Variants in LRRC4C observed in about 807,000 individuals in gnomAD.
The protein encoded by LRRC4C is leucine rich repeat containing 4C, also known as leucine-rich repeat-containing protein 4C.
Under a neutral mutation model 33.6 loss-of-function variants are expected in LRRC4C, and 5 were observed. That is an observed-to-expected ratio of 0.15 (90% CI 0.08 to 0.31). The LOEUF (loss-of-function observed/expected upper bound fraction) is 0.31, where lower values mean the gene tolerates loss of function less well. LRRC4C is among the 10% of genes least tolerant of loss of function. The pLI, the probability that LRRC4C is intolerant of heterozygous loss-of-function variation, is 1.00. For synonymous variants in LRRC4C, 329 were observed against 302.0 expected (o/e 1.09, Z -0.93); for missense variants, 560 against 796.7 (o/e 0.70, Z 3.58).
intron 1 of LRRC4C, among the ~76,000 whole-genome samples, chr11:40,955,206 A>T (rs1958903150): frequency 6.6e-6 from 1 of 151,896 alleles, no homozygotes; most frequent in African/African-American, 2.4e-5. Flanking sequence ...GTCTAAAAAC[A>T]GCCCAAGAGA....
intron 4 of LRRC4C, among the ~76,000 whole-genome samples, chr11:40,296,243 A>C (rs1944504905): frequency 1.3e-5 from 2 of 152,116 alleles, no homozygotes; most frequent in Non-Finnish European, 2.9e-5. Flanking sequence ...CACATCATTG[A>C]CTCATTCACA....
intron 1 of LRRC4C, among the ~76,000 whole-genome samples, chr11:41,290,462 A>C (rs1167870150): frequency 2.6e-5 from 4 of 152,176 alleles, no homozygotes; most frequent in Admixed American, 2.6e-4. Flanking sequence ...CATTCTAGAA[A>C]TATACAAAAT....
chr11:40,596,313 A>G (rs1959290445), intron 3 of LRRC4C, among the ~76,000 whole-genome samples: 1 of 152,104 alleles, frequency 6.6e-6, no homozygotes, highest in Non-Finnish European at 1.5e-5. Flanking sequence ...TCTCTTTTAT[A>G]TTATTATGGA....
rs189215288 is a variant in LRRC4C at position 41,393,013 on chromosome 11, A to C, written c.-496+66418T>G. 6.1e-3 allele frequency among the ~76,000 whole-genome samples: 927 copies of C among 151,962 alleles called. 8 individuals carry two copies. The highest frequency in any genetic ancestry group is 0.022 in the African/African-American group (897 of 41,500). On this transcript the variant is annotated intron_variant, in intron 1 of 6. Coordinates refer to ENST00000528697, the MANE Select transcript of LRRC4C (RefSeq NM_001258419.2). Reference sequence around the variant, plus strand: ...CCTGTTTTATTGTTATGCTTTCCTAATTGCTCCCACAGCAGTTCTTCTGGT... The same window carrying C: ...CCTGTTTTATTGTTATGCTTTCCTACTTGCTCCCACAGCAGTTCTTCTGGT...
At chr11:41,445,956 G>A (rs1007134962) in intron 1 of LRRC4C, among the ~76,000 whole-genome samples, 1 of 150,102 alleles carries the variant, frequency 6.7e-6, no homozygotes, top group East Asian at 2.0e-4. Context: ...TTATGTTGAA[G>A]CTGTTAATCA....
intron 2 of LRRC4C, among the ~76,000 whole-genome samples, chr11:40,653,153 T>C (rs977965599): frequency 1.3e-5 from 2 of 152,162 alleles, no homozygotes; most frequent in Non-Finnish European, 2.9e-5. Context: ...TGTACTAATA[T>C]AGTTAGTTGG....
chr11:40,181,889 G>A (rs1350406945), intron 5 of LRRC4C, among the ~76,000 whole-genome samples: 1 of 152,114 alleles, frequency 6.6e-6, no homozygotes, highest in African/African-American at 2.4e-5. Context: ...CTTCCCTTTG[G>A]GTGGCCTCCT....
chr11:40,712,746 T>C (rs543918742), intron 2 of LRRC4C, among the ~76,000 whole-genome samples: 57 of 152,250 alleles, frequency 3.7e-4, no homozygotes, highest in Non-Finnish European at 7.1e-4. Flanking sequence ...ACCAGAAACA[T>C]ACCAGACTAG....
chr11:40,399,813 T>G (rs1266121349), intron 3 of LRRC4C, among the ~76,000 whole-genome samples: 68 of 152,162 alleles, frequency 4.5e-4, no homozygotes. Context: ...CATTGCAACC[T>G]TCCATGTCAT....
At chr11:41,166,014 A>G (rs1944707893) in intron 1 of LRRC4C, among the ~76,000 whole-genome samples, 2 of 150,004 alleles carry the variant, frequency 1.3e-5, no homozygotes, top group South Asian at 2.1e-4. Flanking sequence ...CTCGGCAACA[A>G]GAGCGAAATT....
intron 3 of LRRC4C, among the ~76,000 whole-genome samples, chr11:40,615,265 T>TAC (rs1263574075): frequency 1.4e-3 from 76 of 53,406 alleles, no homozygotes; most frequent in Admixed American, 2.7e-3. Flanking sequence ...TATATATATA[T>TAC]ACACACACAC....
chr11:41,406,920 T>G (rs982483101), intron 1 of LRRC4C, among the ~76,000 whole-genome samples: 5 of 152,102 alleles, frequency 3.3e-5, no homozygotes, highest in African/African-American at 7.2e-5. Context: ...TAACTTCAAA[T>G]GTTAGTTTTT....
At chr11:40,700,197 T>C (rs940966954) in intron 2 of LRRC4C, among the ~76,000 whole-genome samples, 4 of 152,170 alleles carry the variant, frequency 2.6e-5, no homozygotes, top group Non-Finnish European at 4.4e-5. Flanking sequence ...AAGGAATCCC[T>C]CGAGCCATCT....
At chr11:40,414,453 T>C in intron 3 of LRRC4C, among the ~76,000 whole-genome samples, 1 of 152,082 alleles carries the variant, frequency 6.6e-6, no homozygotes, top group Non-Finnish European at 1.5e-5. Flanking sequence ...ACAGAGATAA[T>C]GATAAGCCAT....
chr11:41,177,743 A>G (rs1945268129), intron 1 of LRRC4C, among the ~76,000 whole-genome samples: 1 of 152,212 alleles, frequency 6.6e-6, no homozygotes, highest in African/African-American at 2.4e-5. Flanking sequence ...TTCCATTTAT[A>G]TAGTCATTTT....
chr11:40,389,325 C>T (rs1949243554), intron 3 of LRRC4C, among the ~76,000 whole-genome samples: 1 of 152,098 alleles, frequency 6.6e-6, no homozygotes, highest in African/African-American at 2.4e-5. Context: ...TAATTTCATA[C>T]CCAACCCCAT....
chr11:40,674,672 C>T (rs75829370), intron 2 of LRRC4C, among the ~76,000 whole-genome samples: 87 of 152,074 alleles, frequency 5.7e-4, no homozygotes, highest in African/African-American at 1.9e-3. Flanking sequence ...ATTTATAAAT[C>T]GTGATGTTCT....
chr11:40,120,757 C>T (rs374095668), intron 6 of LRRC4C, among the ~76,000 whole-genome samples: 14 of 152,176 alleles, frequency 9.2e-5, no homozygotes, highest in African/African-American at 2.4e-4. Flanking sequence ...CTTACTCTGC[C>T]GTTTGCTACC....
At chr11:40,140,442 A>G (rs532502825) in intron 6 of LRRC4C, among the ~76,000 whole-genome samples, 1 of 152,226 alleles carries the variant, frequency 6.6e-6, no homozygotes, top group East Asian at 1.9e-4. Context: ...TACTCTTATA[A>G]AATATTTAGC....
Sources: gnomAD v4.1 joint callset for allele counts (sites outside exome capture counted in the v4.1 genomes callset) on GRCh38, gnomAD v4.1.1 for gene constraint, MANE v1.5 for transcripts, NCBI Gene and HGNC (gene_info 2026-07-23, HGNC 2026-07-21) for gene names.